EXOC2: variants seen among roughly 807,000 people sequenced by gnomAD.
The protein encoded by EXOC2 is SEC5-like 1.
EXOC2 carries 70 observed loss-of-function variants against 131.8 expected under a neutral mutation model. The observed-to-expected ratio is 0.53, with a 90% CI of 0.44 to 0.65. EXOC2 has a LOEUF of 0.65. Ranked by LOEUF, EXOC2 falls within the 30% of genes least tolerant of loss-of-function variation. The probability of loss-of-function intolerance (pLI) is 0.00; values close to 1 mark genes in which losing one functional copy is unlikely to be tolerated. For missense variants in EXOC2, 923 were observed against 1,108.6 expected (o/e 0.83, Z 2.38); for synonymous variants, 411 against 398.4 (o/e 1.03, Z -0.38).
chr6:664,173 C>T (rs1013883841), intron 1 of EXOC2, among the ~76,000 whole-genome samples: 5 of 152,080 alleles, frequency 3.3e-5, no homozygotes, highest in Admixed American at 6.6e-5. Context: ...AGAACTCAAC[C>T]CCTTTTACTA....
chr6:501,950 CAG>C (rs1303036538), intron 23 of EXOC2, among the ~76,000 whole-genome samples: 1 of 151,894 alleles, frequency 6.6e-6, no homozygotes, highest in Non-Finnish European at 1.5e-5. Flanking sequence ...GTCTGGAGAC[CAG>C]AGAGGCTTTC....
chr6:662,511 C>T (rs1210354210), intron 1 of EXOC2, among the ~76,000 whole-genome samples: 1 of 152,178 alleles, frequency 6.6e-6, no homozygotes, highest in Non-Finnish European at 1.5e-5. Context: ...ACCTTCAAAA[C>T]CATGCAAATA....
chr6:500,118 A>C (rs1478614607), intron 23 of EXOC2, among the ~76,000 whole-genome samples: 1 of 152,204 alleles, frequency 6.6e-6, no homozygotes, highest in Non-Finnish European at 1.5e-5. Context: ...ACACACACTC[A>C]GTATAAGCAG....
intron 1 of EXOC2, among the ~76,000 whole-genome samples, chr6:665,647 G>C (rs1050628027): frequency 6.6e-6 from 1 of 152,168 alleles, no homozygotes; most frequent in East Asian, 1.9e-4. Flanking sequence ...GATGAGATTG[G>C]AGACTATTAT....
chr6:548,132 G>A (rs1421612214), intron 22 of EXOC2, among the ~76,000 whole-genome samples: 2 of 152,030 alleles, frequency 1.3e-5, no homozygotes, highest in Non-Finnish European at 2.9e-5. Context: ...AAAAATTTCT[G>A]GAAATAAACT....
At chr6:692,401 G>A (rs551721876) in intron 1 of EXOC2, among the ~76,000 whole-genome samples, 70 of 152,210 alleles carry the variant, frequency 4.6e-4, no homozygotes, top group Non-Finnish European at 8.2e-4. Context: ...ACCTGGAGCC[G>A]GCGCGCAAGG....
At chr6:682,196 T>C (rs1198476618) in intron 1 of EXOC2, among the ~76,000 whole-genome samples, 1 of 135,194 alleles carries the variant, frequency 7.4e-6, no homozygotes, top group Admixed American at 7.3e-5. Context: ...TATTTCCCAG[T>C]TTCTTTTTTT....
chr6:626,873 G>A (rs1018314238), intron 4 of EXOC2, among the ~76,000 whole-genome samples: 12 of 152,260 alleles, frequency 7.9e-5, no homozygotes, highest in African/African-American at 2.6e-4. Flanking sequence ...GATTACAGGC[G>A]TGAGCCACCA....
chr6:562,787 A>G lies in EXOC2; in HGVS notation c.1848T>C (p.Ser616=). 6.3e-7 allele frequency: 1 copy of G among 1,590,274 alleles called. No homozygotes were observed. Among genetic ancestry groups the G allele is most frequent in the South Asian group, 1.2e-5 (1 of 84,418 alleles). Residue 616 remains serine (S), a synonymous_variant, in exon 17 of 28, where the codon TCT becomes TCC. Coordinates refer to ENST00000230449, the MANE Select transcript of EXOC2 (RefSeq NM_018303.6). ...ATTGAAAAGAACTTAAACTTACTAGAGAAGTCAGTCCTTCATTGTCAACAA... is the reference window on the plus strand; with the variant it reads ...ATTGAAAAGAACTTAAACTTACTAGGGAAGTCAGTCCTTCATTGTCAACAA... ...DWIVDNEGLT[S]LPCQFEQCIV...
chr6:629,699 C>A, intron 4 of EXOC2, 136 bp downstream of exon 4: 2 of 1,021,610 alleles, frequency 2.0e-6, no homozygotes, highest in African/African-American at 1.7e-5. Context: ...ATAAATAACA[C>A]CCATCTCCAA....
At chr6:581,076 T>A (rs535976376) in intron 11 of EXOC2, among the ~76,000 whole-genome samples, 4 of 152,102 alleles carry the variant, frequency 2.6e-5, no homozygotes, top group Admixed American at 2.0e-4. Context: ...GGTGGATCAT[T>A]TGAGGTCAGG....
chr6:494,056 C>G (rs892901231), intron 25 of EXOC2, among the ~76,000 whole-genome samples: 4 of 152,194 alleles, frequency 2.6e-5, no homozygotes, highest in Non-Finnish European at 5.9e-5. Flanking sequence ...TAGTATTACA[C>G]AGTTTATACT....
intron 1 of EXOC2, among the ~76,000 whole-genome samples, chr6:668,627 A>T: frequency 6.6e-6 from 1 of 152,008 alleles, no homozygotes; most frequent in Non-Finnish European, 1.5e-5. Flanking sequence ...ATCGTACCCC[A>T]TGTATACTTA....
chr6:620,921 TC>T (rs1375964057), intron 4 of EXOC2, among the ~76,000 whole-genome samples: 6 of 152,144 alleles, frequency 3.9e-5, no homozygotes, highest in Admixed American at 3.9e-4. Flanking sequence ...TGCCAGGTAT[TC>T]GAACCTACTT....
In EXOC2 at chr6:658,085, T is replaced by C. The variant is rs139541135; in HGVS notation, c.-43-20224A>G. ...TATCTGTTTTTATGACTTAGTTGTTTGACTCAGTTGAAATCTTTTTTGGAG... is the reference window on the plus strand; with the variant it reads ...TATCTGTTTTTATGACTTAGTTGTTCGACTCAGTTGAAATCTTTTTTGGAG... On this transcript the variant is annotated intron_variant, in intron 1 of 27. Coordinates refer to ENST00000230449, the MANE Select transcript of EXOC2 (RefSeq NM_018303.6). Among the ~76,000 whole-genome samples, 12 of 152,302 alleles carry C rather than the reference T, an allele frequency of 7.9e-5. No individual in the cohort carries two copies. In the East Asian group the frequency reaches 2.3e-3, roughly 29 times the overall value.
chr6:561,661 C>T (rs1478982956), intron 17 of EXOC2, among the ~76,000 whole-genome samples: 1 of 152,164 alleles, frequency 6.6e-6, no homozygotes, highest in Non-Finnish European at 1.5e-5. Flanking sequence ...TCTCGGCTCA[C>T]TGCAATCTCT....
intron 11 of EXOC2, among the ~76,000 whole-genome samples, chr6:584,134 C>T (rs1323436610): frequency 2.0e-5 from 3 of 152,310 alleles, no homozygotes; most frequent in South Asian, 2.1e-4. Flanking sequence ...TACACTTACA[C>T]TGACTTTTTA....
chr6:685,869 C>CTTT (rs58892194), intron 1 of EXOC2, among the ~76,000 whole-genome samples: 13 of 98,258 alleles, frequency 1.3e-4, no homozygotes, highest in East Asian at 2.8e-4. Flanking sequence ...TCCTGGACCT[C>CTTT]TTTTTTTTTT....
intron 11 of EXOC2, among the ~76,000 whole-genome samples, chr6:592,062 T>A (rs746279077): frequency 1.3e-5 from 2 of 152,190 alleles, no homozygotes; most frequent in Non-Finnish European, 2.9e-5. Flanking sequence ...GTTAGTTACA[T>A]GTTTAGTGGC....
Sources: gnomAD v4.1 joint callset for allele counts (sites outside exome capture counted in the v4.1 genomes callset) on GRCh38, gnomAD v4.1.1 for gene constraint, MANE v1.5 for transcripts, NCBI Gene and HGNC (gene_info 2026-07-23, HGNC 2026-07-21) for gene names.